Variants in KAZN observed in about 807,000 individuals in gnomAD.
The protein encoded by KAZN is kazrin, periplakin interacting protein.
A neutral mutation model predicts 87.4 loss-of-function variants in KAZN; 40 were observed. The ratio of observed to expected loss-of-function variants is 0.46; its 90% confidence interval spans 0.36 to 0.60. KAZN has a LOEUF of 0.60. KAZN is among the 20% of genes least tolerant of loss of function. KAZN has a pLI of 0.00. For synonymous variants in KAZN, 466 were observed against 458.3 expected, an observed-to-expected ratio of 1.02 and a Z score of -0.22; for missense variants, 898 against 1,073.9, an observed-to-expected ratio of 0.84 and a Z score of 2.29.
intron 2 of KAZN, among the ~76,000 whole-genome samples, chr1:14,534,561 C>G (rs1672380792): frequency 6.6e-6 from 1 of 152,280 alleles, no homozygotes; most frequent in Middle Eastern, 3.4e-3. Context: ...AGGAGAATCA[C>G]TTGAACCCAG....
At position 15,078,732 on chromosome 1, in the gene KAZN, G is replaced by A. The variant is rs559844789; in HGVS notation, c.1222+12979G>A. Among the ~76,000 whole-genome samples, 9 of 152,332 alleles carry A rather than the reference G, an allele frequency of 5.9e-5. No homozygotes were observed. The East Asian group carries it at 1.7e-3, about 29-fold the overall frequency. On this transcript the variant is annotated intron_variant, in intron 8 of 14. Transcript: ENST00000376030. ...AAGGGCATCGGTCTGCAGCGCGCATGCTGTTCCTCTCAGCTGCCGCTACGG... is the reference window on the plus strand; with the variant it reads ...AAGGGCATCGGTCTGCAGCGCGCATACTGTTCCTCTCAGCTGCCGCTACGG...
At chr1:14,319,553 C>T (rs958571077) in intron 2 of KAZN, among the ~76,000 whole-genome samples, 1 of 152,188 alleles carries the variant, frequency 6.6e-6, no homozygotes, top group African/African-American at 2.4e-5. Context: ...GCCCCGTTCT[C>T]TCCCGAACTC....
chr1:14,235,960 C>G (rs981175299), intron 2 of KAZN, among the ~76,000 whole-genome samples: 5 of 152,100 alleles, frequency 3.3e-5, no homozygotes, highest in Non-Finnish European at 7.4e-5. Flanking sequence ...CCCACGTTGC[C>G]CTGACTGCTT....
chr1:14,942,392 G>A (rs1366935115), intron 1 of KAZN, among the ~76,000 whole-genome samples: 1 of 152,238 alleles, frequency 6.6e-6, no homozygotes. Flanking sequence ...CAGCTCAAGA[G>A]AGTAGGGCAG....
At chr1:14,571,598 A>G (rs1674869241) in intron 2 of KAZN, among the ~76,000 whole-genome samples, 1 of 152,182 alleles carries the variant, frequency 6.6e-6, no homozygotes, top group Non-Finnish European at 1.5e-5. Context: ...GTCAGAGGCT[A>G]AGGAAACCAG....
intron 1 of KAZN, among the ~76,000 whole-genome samples, chr1:14,798,742 TTTTTC>T (rs1261888542): frequency 6.7e-6 from 1 of 148,938 alleles, no homozygotes; most frequent in African/African-American, 2.5e-5. Context: ...CCCACTTTCT[TTTTTC>T]TTTTCTTTTC....
At chr1:14,578,200 C>CA (rs1350780311) in intron 2 of KAZN, among the ~76,000 whole-genome samples, 5 of 151,938 alleles carry the variant, frequency 3.3e-5, no homozygotes, top group Non-Finnish European at 7.4e-5. Flanking sequence ...AGGCCTTACC[C>CA]AAGAAAAACA....
At chr1:15,063,932 G>A (rs113925209) in intron 7 of KAZN, among the ~76,000 whole-genome samples, 239 of 152,344 alleles carry the variant, frequency 1.6e-3, no homozygotes, top group African/African-American at 5.5e-3. Flanking sequence ...CAGGTGGGCT[G>A]GGGCCTGAGC....
At chr1:13,971,718 G>T (rs954751645) in intron 1 of KAZN, among the ~76,000 whole-genome samples, 3 of 152,184 alleles carry the variant, frequency 2.0e-5, no homozygotes, top group Non-Finnish European at 4.4e-5. Context: ...AGTGCTGGAA[G>T]TGGGGCCTGA....
chr1:14,708,769 C>A (rs1642342074), intron 1 of KAZN, among the ~76,000 whole-genome samples: 1 of 152,174 alleles, frequency 6.6e-6, no homozygotes, highest in Non-Finnish European at 1.5e-5. Flanking sequence ...CTGGTAGCAG[C>A]CAGCAAGGAT....
intron 1 of KAZN, among the ~76,000 whole-genome samples, chr1:14,006,364 A>T (rs1640037430): frequency 6.6e-6 from 1 of 152,222 alleles, no homozygotes. Context: ...CTCATGGCAG[A>T]TGACAAGGAA....
At chr1:14,518,851 G>A (rs1181072210) in intron 2 of KAZN, among the ~76,000 whole-genome samples, 2 of 152,258 alleles carry the variant, frequency 1.3e-5, no homozygotes, top group Non-Finnish European at 2.9e-5. Context: ...ATAATTGCTA[G>A]TAGTTAATAT....
At chr1:14,736,465 ATTTTTTT>A (rs756285598) in intron 1 of KAZN, among the ~76,000 whole-genome samples, 22 of 108,044 alleles carry the variant, frequency 2.0e-4, no homozygotes, top group African/African-American at 7.6e-4. Flanking sequence ...CACCCAGCTA[ATTTTTTT>A]TTTTTTTTTT....
intron 1 of KAZN, among the ~76,000 whole-genome samples, chr1:14,755,508 G>T (rs545995171): frequency 2.0e-5 from 3 of 152,100 alleles, no homozygotes; most frequent in African/African-American, 4.8e-5. Flanking sequence ...GGAGAACAGC[G>T]CTCCTGGGAA....
At chr1:14,030,872 A>G (rs1303571346) in intron 1 of KAZN, among the ~76,000 whole-genome samples, 3 of 152,198 alleles carry the variant, frequency 2.0e-5, no homozygotes, top group Non-Finnish European at 4.4e-5. Flanking sequence ...TGCACAGGAA[A>G]ATGGAATTTA....
At chr1:15,090,819 G>C (rs1001433491) in intron 8 of KAZN, among the ~76,000 whole-genome samples, 2 of 152,250 alleles carry the variant, frequency 1.3e-5, no homozygotes, top group Non-Finnish European at 2.9e-5. Context: ...GCAGGCAGCA[G>C]AGAATGGTAC....
intron 1 of KAZN, among the ~76,000 whole-genome samples, chr1:14,870,285 T>G (rs1367720102): frequency 6.6e-6 from 1 of 152,206 alleles, no homozygotes; most frequent in African/African-American, 2.4e-5. Context: ...TCACTTGCTG[T>G]GTGACTTTGA....
chr1:14,606,283 G>T (rs1342672472), intron 1 of KAZN, among the ~76,000 whole-genome samples: 1 of 152,172 alleles, frequency 6.6e-6, no homozygotes, highest in East Asian at 1.9e-4. Context: ...GAGGTTCAGG[G>T]AGCTGTAGCC....
chr1:14,329,117 ATC>A (rs1255630719), intron 2 of KAZN, among the ~76,000 whole-genome samples: 2 of 152,112 alleles, frequency 1.3e-5, no homozygotes, highest in Non-Finnish European at 2.9e-5. Context: ...GTTGTCAGAA[ATC>A]TCTCTCTCCC....
Sources: gnomAD v4.1 joint callset for allele counts (sites outside exome capture counted in the v4.1 genomes callset) on GRCh38, gnomAD v4.1.1 for gene constraint, MANE v1.5 for transcripts, NCBI Gene and HGNC (gene_info 2026-07-23, HGNC 2026-07-21) for gene names.